MBOAT2: variants seen among roughly 807,000 people sequenced by gnomAD.
The protein encoded by MBOAT2 is membrane bound glycerophospholipid O-acyltransferase 2.
In MBOAT2, 28 loss-of-function variants were observed where a neutral mutation model predicts 63.4. The observed-to-expected ratio is 0.44, with a 90% CI of 0.33 to 0.61. MBOAT2 has a LOEUF of 0.61. Ranked by LOEUF, MBOAT2 falls within the 20% of genes least tolerant of loss-of-function variation. The probability of loss-of-function intolerance (pLI) is 0.03; values close to 1 mark genes in which losing one functional copy is unlikely to be tolerated. For synonymous variants in MBOAT2, 211 were observed against 215.6 expected (o/e 0.98, Z 0.19); for missense variants, 470 against 605.8 (o/e 0.78, Z 2.35).
At chr2:8,859,103 C>T (rs765916904) in intron 12 of MBOAT2, among the ~76,000 whole-genome samples, 199 bp from the exon 13 acceptor site, 3 of 152,078 alleles carry the variant, frequency 2.0e-5, no homozygotes, top group Non-Finnish European at 4.4e-5. Context: ...TGGATAAATC[C>T]AGGCTAATTA....
chr2:8,912,321 A>AAGAG (rs1558606394), intron 3 of MBOAT2, among the ~76,000 whole-genome samples: 3 of 104,982 alleles, frequency 2.9e-5, no homozygotes. Flanking sequence ...GAAAGAAAGA[A>AAGAG]AGAAAGAAAG....
intron 1 of MBOAT2, among the ~76,000 whole-genome samples, chr2:8,996,261 A>G (rs918584206): frequency 6.6e-6 from 1 of 152,236 alleles, no homozygotes; most frequent in Admixed American, 6.5e-5. Context: ...TGGTTTTAAA[A>G]GTGAACTGGA....
chr2:8,936,994 AAACAC>A (rs1228624307), intron 3 of MBOAT2, among the ~76,000 whole-genome samples: 1 of 152,196 alleles, frequency 6.6e-6, no homozygotes, highest in African/African-American at 2.4e-5. Flanking sequence ...GGTACGCCTG[AAACAC>A]ATTCCTCTTC....
chr2:8,880,652 T>C (rs1428347386), intron 6 of MBOAT2, among the ~76,000 whole-genome samples: 1 of 151,986 alleles, frequency 6.6e-6, no homozygotes, highest in East Asian at 1.9e-4. Flanking sequence ...GAGGCCAGGC[T>C]AGTGGTAAGG....
At chr2:8,863,080 G>A (rs893413246) in intron 10 of MBOAT2, among the ~76,000 whole-genome samples, 1 of 152,038 alleles carries the variant, frequency 6.6e-6, no homozygotes, top group African/African-American at 2.4e-5. Flanking sequence ...ACTTTCAACT[G>A]ACCTAATAAC....
At chr2:8,966,629 AAAG>A (rs1182932881) in intron 1 of MBOAT2, among the ~76,000 whole-genome samples, 1 of 152,224 alleles carries the variant, frequency 6.6e-6, no homozygotes, top group Non-Finnish European at 1.5e-5. Flanking sequence ...AAGGCAAAGG[AAAG>A]AACCATTTTT....
At chr2:8,970,921 A>C (rs931737967) in intron 1 of MBOAT2, among the ~76,000 whole-genome samples, 1 of 152,168 alleles carries the variant, frequency 6.6e-6, no homozygotes, top group Admixed American at 6.5e-5. Flanking sequence ...ATTCACAGCC[A>C]ATTTCTACCG....
At chr2:8,936,786 C>CAAA (rs745694357) in intron 3 of MBOAT2, among the ~76,000 whole-genome samples, 6 of 56,334 alleles carry the variant, frequency 1.1e-4, no homozygotes, top group African/African-American at 2.7e-4. Context: ...GACTCCGTCT[C>CAAA]AAAAAAAAAA....
chr2:8,864,265 T>A, intron 9 of MBOAT2, 31 bp from the exon 10 acceptor site: 1 of 1,388,430 alleles, frequency 7.2e-7, no homozygotes, highest in Non-Finnish European at 9.9e-7. Flanking sequence ...TTTCTTTGTG[T>A]CACAAAATAA....
chr2:8,872,353 T>C (rs966032499), intron 8 of MBOAT2, among the ~76,000 whole-genome samples: 5 of 152,300 alleles, frequency 3.3e-5, no homozygotes, highest in Admixed American at 6.5e-5. Context: ...TCATAGCTCA[T>C]TGCAGCCACA....
chr2:8,907,417 A>G (rs1435213008), intron 4 of MBOAT2, among the ~76,000 whole-genome samples: 1 of 152,216 alleles, frequency 6.6e-6, no homozygotes, highest in Non-Finnish European at 1.5e-5. Flanking sequence ...AAGTGACTGC[A>G]ATTCTTTTAA....
At chr2:8,860,810 T>C in intron 11 of MBOAT2, 46 bp from the exon 12 acceptor site, 1 of 1,432,256 alleles carries the variant, frequency 7.0e-7, no homozygotes, top group Non-Finnish European at 9.6e-7. Context: ...TAAATTAACA[T>C]TACTTATGCA....
intron 2 of MBOAT2, among the ~76,000 whole-genome samples, chr2:8,950,044 A>G (rs193052096): frequency 9.2e-5 from 14 of 152,158 alleles, no homozygotes; most frequent in African/African-American, 3.1e-4. Context: ...CTCCCTAGTT[A>G]GATGTATTCC....
chr2:8,992,064 C>T lies in MBOAT2; in HGVS notation c.75+11476G>A, dbSNP rs138346318. ...CCTCACAATCTGGTCAGCTAAGCAACACCATACAATAAACACAAACTCCCA... is the reference window on the plus strand; with the variant it reads ...CCTCACAATCTGGTCAGCTAAGCAATACCATACAATAAACACAAACTCCCA... On this transcript the variant is annotated intron_variant, in intron 1 of 12. Transcript: ENST00000305997. 2.8e-3 allele frequency among the ~76,000 whole-genome samples: 429 copies of T among 152,320 alleles called. 1 individual carries two copies. Among genetic ancestry groups the T allele is most frequent in the Non-Finnish European group, 4.7e-3 (320 of 68,028 alleles).
rs554769281 is a variant in MBOAT2, at chr2:8,853,146, T to C, written c.*5533A>G. On this transcript the variant is annotated 3_prime_UTR_variant, in exon 13 of 13. Coordinates refer to ENST00000305997, the MANE Select transcript of MBOAT2 (RefSeq NM_138799.4). Reference sequence around the variant, plus strand: ...GGAATGAAATCACACATTTTCACTCTGTATATGGAAGAATTTCTCACTTCA... The same window carrying C: ...GGAATGAAATCACACATTTTCACTCCGTATATGGAAGAATTTCTCACTTCA... 1.3e-5 allele frequency: 2 copies of C among 152,334 alleles called. No individual in the cohort carries two copies. Among genetic ancestry groups the C allele is most frequent in the South Asian group, 4.1e-4 (2 of 4,828 alleles). The allele number at this position is 152,334 out of a possible 1,614,324, so 9.4% of individuals were successfully genotyped here.
At chr2:8,950,642 T>C (rs1254165005) in intron 2 of MBOAT2, among the ~76,000 whole-genome samples, 1 of 152,136 alleles carries the variant, frequency 6.6e-6, no homozygotes, top group Non-Finnish European at 1.5e-5. Context: ...TTAGCCAGGA[T>C]GGTCTCGATC....
chr2:9,003,676 G>A lies in MBOAT2; in HGVS notation c.-62C>T, dbSNP rs1007229647. On this transcript the variant is annotated 5_prime_UTR_variant, in exon 1 of 13. Transcript: ENST00000305997. This position sits in a 1 kb window ranked among gnomAD's most constrained non-coding sequence, Gnocchi z 5.4. ...GCCCGCTCGCGCTGTGCCGGGCGAC[G>A]ACGAGGATGGGGATGCAGCGGCGCG... 1.1e-4 allele frequency: 117 copies of A among 1,041,784 alleles called. No individual in the cohort carries two copies. The highest frequency in any genetic ancestry group is 1.3e-4 in the Non-Finnish European group (109 of 851,452). The allele number at this position is 1,041,784 out of a possible 1,614,324, so 64.5% of individuals were successfully genotyped here. A position where few individuals can be genotyped will look rare whatever the true frequency, so the allele number is the denominator to read the frequency against.
chr2:8,912,041 A>G (rs926702008), intron 3 of MBOAT2, among the ~76,000 whole-genome samples: 1 of 152,072 alleles, frequency 6.6e-6, no homozygotes, highest in African/African-American at 2.4e-5. Flanking sequence ...TATCCTGCAT[A>G]CCTTTATGAT....
chr2:8,952,091 T>C (rs1236083423), intron 2 of MBOAT2, among the ~76,000 whole-genome samples: 1 of 152,252 alleles, frequency 6.6e-6, no homozygotes, highest in Admixed American at 6.5e-5. Context: ...ACGCTTTTGC[T>C]GCATCCCAGA....
Sources: allele counts gnomAD v4.1 joint callset (sites outside exome capture counted in the v4.1 genomes callset), GRCh38; gene constraint gnomAD v4.1.1; non-coding constraint Gnocchi (gnomAD v3.1); transcripts MANE v1.5; gene names NCBI Gene and HGNC (gene_info 2026-07-23, HGNC 2026-07-21).